Variants in POLG2 observed in about 807,000 individuals in gnomAD.
POLG2 encodes DNA polymerase subunit gamma-2.
Under a neutral mutation model 56.5 loss-of-function variants are expected in POLG2, and 50 were observed. The ratio of observed to expected loss-of-function variants is 0.88; its 90% confidence interval spans 0.71 to 1.12. The LOEUF (loss-of-function observed/expected upper bound fraction) is 1.12. Ranked by LOEUF, POLG2 falls within the 50% of genes most tolerant of loss-of-function variation. POLG2 has a pLI of 0.00. For synonymous variants in POLG2, 226 were observed against 222.6 expected (o/e 1.02, Z -0.14); for missense variants, 584 against 583.3 (o/e 1.00, Z -0.01).
At chr17:64,482,248 C>A (rs1321422078) in intron 6 of POLG2, among the ~76,000 whole-genome samples, 2 of 151,108 alleles carry the variant, frequency 1.3e-5, no homozygotes, top group Non-Finnish European at 2.9e-5. Context: ...GAATTACAGG[C>A]ACATACCATT....
At chr17:64,481,738 G>A (rs1417202507) in intron 6 of POLG2, among the ~76,000 whole-genome samples, 1 of 152,020 alleles carries the variant, frequency 6.6e-6, no homozygotes, top group African/African-American at 2.4e-5. Context: ...AGCCAGGTGT[G>A]GCGGTGTGTA....
At chr17:64,485,627 A>C in intron 5 of POLG2, 101 bp downstream of exon 5, 1 of 968,066 alleles carries the variant, frequency 1.0e-6, no homozygotes, top group Non-Finnish European at 1.7e-6. Flanking sequence ...CACTAAATTT[A>C]TTATTTAGAG....
chr17:64,496,715 T>C lies in POLG2; in HGVS notation c.254A>G (p.Gln85Arg). 6.2e-7 allele frequency: 1 copy of C among 1,614,096 alleles called. No homozygotes were observed. Among genetic ancestry groups the C allele is most frequent in the Non-Finnish European group, 8.5e-7 (1 of 1,180,010 alleles). Residue 85 changes from glutamine to arginine, a missense_variant, in exon 1 of 8, where the codon CAG becomes CGG. Transcript: ENST00000539111. ...RRHFLSGSKQ[Q>R]LSRDSLLSGC... ...ACTCAGAAGAGAATCCCGGCTAAGC[T>C]GCTGCTTGCTTCCACTTAGGAAATG...
At chr17:64,481,621 C>T (rs2037856701) in intron 6 of POLG2, among the ~76,000 whole-genome samples, 1 of 151,706 alleles carries the variant, frequency 6.6e-6, no homozygotes, top group African/African-American at 2.4e-5. Flanking sequence ...GCCTGTAATC[C>T]CAGCACGTTG....
intron 1 of POLG2, among the ~76,000 whole-genome samples, chr17:64,493,545 C>T (rs1292727692): frequency 6.6e-6 from 1 of 151,942 alleles, no homozygotes; most frequent in Non-Finnish European, 1.5e-5. Context: ...AGTGCAGTGG[C>T]AGGGTCTCGG....
At chr17:64,489,951 AG>A (rs1395661615) in intron 4 of POLG2, among the ~76,000 whole-genome samples, 1 of 151,352 alleles carries the variant, frequency 6.6e-6, no homozygotes, top group African/African-American at 2.4e-5. Context: ...TTTGAGACAG[AG>A]TCTCGTTCTG....
chr17:64,490,707 A>G (rs2038042946), intron 4 of POLG2, 89 bp downstream of exon 4: 1 of 980,258 alleles, frequency 1.0e-6, no homozygotes, highest in Non-Finnish European at 1.6e-6. Context: ...GTGTTAAGAC[A>G]CCACGTTTGC....
chr17:64,480,305 C>A lies in POLG2; in HGVS notation c.1276G>T (p.Glu426Ter). 6.4e-7 allele frequency: 1 copy of A among 1,553,382 alleles called. No homozygotes were observed. Among genetic ancestry groups the A allele is most frequent in the Non-Finnish European group, 8.9e-7 (1 of 1,128,530 alleles). The change falls in exon 7 of 8, where the codon GAA becomes TAA. Residue 426 changes from glutamate (E) to a stop codon, truncating the protein, a stop_gained. Transcript: ENST00000539111. LOFTEE classifies it high-confidence loss of function. ...AATTCTTACTTCGAATAAAGTTGTT[C>A]CAATGAGGACTGCATAGTTTCCAAA... ...GYLETMQSSL[E>*]QLYSKYDEMS...
intron 4 of POLG2, chr17:64,490,449 T>C: frequency 3.4e-6 from 1 of 293,882 alleles, no homozygotes; most frequent in South Asian, 3.3e-5. Context: ...ACAGATTAAC[T>C]AGACTGTACT....
intron 4 of POLG2, chr17:64,487,589 G>C (rs1423669435): frequency 6.9e-6 from 1 of 145,596 alleles, no homozygotes; most frequent in Non-Finnish European, 1.5e-5. Context: ...ACTCCAGCCT[G>C]GGTGACAGAG....
At chr17:64,490,719 C>A (rs1359453098) in intron 4 of POLG2, 77 bp downstream of exon 4, 50 of 1,171,268 alleles carry the variant, frequency 4.3e-5, no homozygotes, top group African/African-American at 7.5e-5. Flanking sequence ...CACGTTTGCA[C>A]CTTATTCTCA....
At chr17:64,489,714 A>G (rs1007991020) in intron 4 of POLG2, among the ~76,000 whole-genome samples, 3 of 151,884 alleles carry the variant, frequency 2.0e-5, no homozygotes, top group Non-Finnish European at 2.9e-5. Flanking sequence ...CTATCACCAT[A>G]CCACTGTGTT....
In POLG2 at chr17:64,496,612, C is replaced by A. The variant is rs1555669565; in HGVS notation, c.357G>T (p.Val119=). The part of the protein sequence containing the change: ...NLAAEWWTSV[V]VFREQVFPVD... ...CCGGGAATACCTGCTCCCTGAACAC[C>A]ACCACCGAGGTCCACCATTCTGCGG... Residue 119 remains valine, a synonymous_variant, in exon 1 of 8, where the codon GTG becomes GTT. Transcript: ENST00000539111. The A allele has an allele frequency of 7.4e-6, 12 of 1,613,922 alleles. No homozygotes were observed. The highest frequency in any genetic ancestry group is 1.0e-5 in the Non-Finnish European group (12 of 1,179,904).
chr17:64,486,347 TCAGAAAGG>T (rs1568085415), intron 4 of POLG2, among the ~76,000 whole-genome samples: 37 of 147,178 alleles, frequency 2.5e-4, no homozygotes, highest in South Asian at 6.3e-4. Context: ...GAGTTAGTAT[TCAGAAAGG>T]TAACACTTTT....
chr17:64,491,734 T>C, intron 3 of POLG2: 3 of 808,508 alleles, frequency 3.7e-6, no homozygotes, highest in Non-Finnish European at 4.2e-6. Flanking sequence ...ATGCTCTTCA[T>C]CTACTGCCTT....
intron 4 of POLG2, among the ~76,000 whole-genome samples, chr17:64,488,103 C>T (rs2037990131): frequency 6.6e-6 from 1 of 152,136 alleles, no homozygotes; most frequent in African/African-American, 2.4e-5. Context: ...GTGGTTTACG[C>T]CTATAATCCC....
At chr17:64,494,478 C>T (rs529895278) in intron 1 of POLG2, among the ~76,000 whole-genome samples, 5 of 152,222 alleles carry the variant, frequency 3.3e-5, no homozygotes, top group African/African-American at 1.2e-4. Context: ...TCAATGATAT[C>T]GGGGTTTGCA....
intron 3 of POLG2, among the ~76,000 whole-genome samples, chr17:64,491,319 G>A (rs2144189708): frequency 6.6e-6 from 1 of 152,270 alleles, no homozygotes; most frequent in Middle Eastern, 3.4e-3. Flanking sequence ...TACTGGCCAG[G>A]CACAGTGGCT....
intron 3 of POLG2, chr17:64,491,810 C>T: frequency 2.0e-6 from 1 of 493,044 alleles, no homozygotes; most frequent in Non-Finnish European, 3.7e-6. Context: ...CTCTGCACTC[C>T]CCCAGCAACC....
Sources: allele counts gnomAD v4.1 joint callset (sites outside exome capture counted in the v4.1 genomes callset), GRCh38; gene constraint gnomAD v4.1.1; transcripts MANE v1.5; gene names NCBI Gene and HGNC (gene_info 2026-07-23, HGNC 2026-07-21).